The following ANKRD17 variants were observed in gnomAD, a reference collection of about 807,000 sequenced individuals.
ANKRD17 encodes ankyrin repeat domain-containing protein 17.
ANKRD17 carries 19 observed loss-of-function variants against 229.7 expected under a neutral mutation model. The ratio of observed to expected loss-of-function variants is 0.08; its 90% CI spans 0.06 to 0.12. The LOEUF (loss-of-function observed/expected upper bound fraction) is 0.12, where lower values mean the gene tolerates loss of function less well. Ranked by LOEUF, ANKRD17 falls within the 10% of genes least tolerant of loss-of-function variation. The pLI, the probability that ANKRD17 is intolerant of heterozygous loss-of-function variation, is 1.00. For synonymous variants in ANKRD17, 1,112 were observed against 1,146.1 expected (o/e 0.97, Z 0.60); for missense variants, 2,176 against 3,176.8 (o/e 0.68, Z 7.57).
intron 1 of ANKRD17, among the ~76,000 whole-genome samples, chr4:73,239,265 G>A (rs1743790483): frequency 6.6e-6 from 1 of 152,146 alleles, no homozygotes; most frequent in Non-Finnish European, 1.5e-5. Context: ...GTCAGTTACA[G>A]AAATAGATTC....
At chr4:73,118,245 G>C (rs940549733) in intron 22 of ANKRD17, among the ~76,000 whole-genome samples, 1 of 152,054 alleles carries the variant, frequency 6.6e-6, no homozygotes, top group Non-Finnish European at 1.5e-5. Flanking sequence ...CTCCCAAAGT[G>C]CTGAGATTAC....
At chr4:73,081,740 G>A (rs1461613061) in intron 30 of ANKRD17, among the ~76,000 whole-genome samples, 1 of 152,186 alleles carries the variant, frequency 6.6e-6, no homozygotes, top group Non-Finnish European at 1.5e-5. Context: ...CCCATAAAAT[G>A]AAGTGGCCTA....
In ANKRD17 at chr4:73,073,812, T is replaced by C. The variant is rs1720854041; in HGVS notation, c.*2419A>G. On this transcript the variant is annotated 3_prime_UTR_variant, in exon 34 of 34. Transcript: ENST00000358602. ...GTTGGGAATGGATGGTATAAACTGA[T>C]TATACAATAATTGAGATATTAACTA... The C allele has an allele frequency of 6.6e-6, 1 of 151,952 alleles. No individual in the cohort carries two copies. The allele number at this position is 151,952 out of a possible 1,614,324, so 9.4% of individuals were successfully genotyped here. A position where few individuals can be genotyped will look rare whatever the true frequency, so the allele number is the denominator to read the frequency against.
At chr4:73,100,082 T>C (rs1450252099) in intron 25 of ANKRD17, among the ~76,000 whole-genome samples, 1 of 152,202 alleles carries the variant, frequency 6.6e-6, no homozygotes, top group East Asian at 1.9e-4. Context: ...ATTTTTCCTC[T>C]GTTCACAAAC....
intron 3 of ANKRD17, among the ~76,000 whole-genome samples, chr4:73,159,974 T>C (rs1027925425): frequency 1.3e-5 from 2 of 152,136 alleles, no homozygotes; most frequent in Admixed American, 6.6e-5. Context: ...CTTAAAAATG[T>C]TGTATGAAAA....
intron 1 of ANKRD17, among the ~76,000 whole-genome samples, chr4:73,198,555 G>C (rs991809165): frequency 6.6e-6 from 1 of 151,954 alleles, no homozygotes; most frequent in African/African-American, 2.4e-5. Flanking sequence ...CCATAATTTT[G>C]TAAAAGGAGA....
At chr4:73,210,496 G>A (rs556144780) in intron 1 of ANKRD17, among the ~76,000 whole-genome samples, 2 of 152,180 alleles carry the variant, frequency 1.3e-5, no homozygotes, top group Admixed American at 1.3e-4. Flanking sequence ...AATGTTATAT[G>A]AACTACACAA....
intron 1 of ANKRD17, among the ~76,000 whole-genome samples, chr4:73,234,480 A>G (rs1239679718): frequency 6.6e-6 from 1 of 152,208 alleles, no homozygotes; most frequent in Non-Finnish European, 1.5e-5. Context: ...TTATATTTGC[A>G]AATGAAAGAT....
chr4:73,178,197 C>T (rs894442734), intron 1 of ANKRD17, among the ~76,000 whole-genome samples: 1 of 152,104 alleles, frequency 6.6e-6, no homozygotes, highest in African/African-American at 2.4e-5. Context: ...GGAGCATTTG[C>T]CAAATATCCA....
At chr4:73,087,007 C>CA (rs1177380297) in intron 29 of ANKRD17, among the ~76,000 whole-genome samples, 1 of 126,122 alleles carries the variant, frequency 7.9e-6, no homozygotes, top group Non-Finnish European at 1.6e-5. Flanking sequence ...AACTACAGGG[C>CA]AAAAAAGGGC....
intron 27 of ANKRD17, among the ~76,000 whole-genome samples, chr4:73,095,494 C>A (rs1259874657): frequency 6.7e-6 from 1 of 150,336 alleles, no homozygotes; most frequent in Non-Finnish European, 1.5e-5. Flanking sequence ...CCCAGCTACT[C>A]GGGAGGCAGA....
intron 1 of ANKRD17, among the ~76,000 whole-genome samples, chr4:73,257,782 G>C (rs923468304): frequency 6.6e-6 from 1 of 152,068 alleles, no homozygotes; most frequent in Non-Finnish European, 1.5e-5. Flanking sequence ...ACTTAGCTCT[G>C]AGTCCATTAC....
At chr4:73,146,652 A>C in intron 10 of ANKRD17, 112 bp downstream of exon 10, 1 of 811,720 alleles carries the variant, frequency 1.2e-6, no homozygotes, top group Non-Finnish European at 1.8e-6. Context: ...AAATAAAAAT[A>C]AAAAAAACAA....
rs901347881 is a variant in ANKRD17, at chr4:73,148,690, C to A, written c.1567+123G>T. On this transcript the variant is annotated intron_variant, in intron 8 of 33. Coordinates refer to ENST00000358602, the MANE Select transcript of ANKRD17 (RefSeq NM_032217.5). The stretch of plus-strand genomic sequence containing the variant: ...CATTTTCACAGTAAATACTTTATCA[C>A]TGGTTTGTGTAATAGCTCATTGCAA... 7 of 856,884 alleles carry A rather than the reference C, an allele frequency of 8.2e-6. No individual in the cohort carries two copies. The Admixed American group carries it at 1.7e-4, about 21-fold the overall frequency. 53.1% of individuals were successfully genotyped at this position (856,884 alleles called of 1,614,324 possible).
intron 23 of ANKRD17, among the ~76,000 whole-genome samples, chr4:73,115,280 G>T (rs914883286): frequency 2.6e-5 from 4 of 152,024 alleles, no homozygotes; most frequent in African/African-American, 7.2e-5. Flanking sequence ...ATTAGCTCAA[G>T]AATTTTTTTG....
chr4:73,165,788 T>A (rs926509886), intron 2 of ANKRD17, among the ~76,000 whole-genome samples: 6 of 152,174 alleles, frequency 3.9e-5, no homozygotes, highest in Admixed American at 3.3e-4. Context: ...TTGCCACTGC[T>A]GACTTAAAGA....
chr4:73,190,586 T>C (rs1485807005), intron 1 of ANKRD17, among the ~76,000 whole-genome samples: 1 of 145,734 alleles, frequency 6.9e-6, no homozygotes, highest in Non-Finnish European at 1.5e-5. Context: ...AAAAAAAACC[T>C]GTAAGGGTGT....
At chr4:73,179,488 G>GTGTGTGTATA (rs1491132715) in intron 1 of ANKRD17, among the ~76,000 whole-genome samples, 2 of 48,240 alleles carry the variant, frequency 4.1e-5, no homozygotes, top group African/African-American at 1.8e-4. Context: ...GTGTGTGTGT[G>GTGTGTGTATA]TATATATATA....
chr4:73,213,770 T>G (rs931779938), intron 1 of ANKRD17, among the ~76,000 whole-genome samples: 3 of 152,184 alleles, frequency 2.0e-5, no homozygotes, highest in African/African-American at 7.2e-5. Flanking sequence ...ATGAAGAAAT[T>G]TGAAAAACCT....
Sources: gnomAD v4.1 joint callset for allele counts (sites outside exome capture counted in the v4.1 genomes callset) on GRCh38, gnomAD v4.1.1 for gene constraint, MANE v1.5 for transcripts, NCBI Gene and HGNC (gene_info 2026-07-23, HGNC 2026-07-21) for gene names.